The following NCALD variants were observed in gnomAD, a reference collection of about 807,000 sequenced individuals.
NCALD encodes the protein neurocalcin delta.
A neutral mutation model predicts 18.6 loss-of-function variants in NCALD; 10 were observed. The observed-to-expected ratio is 0.54, with a 90% CI of 0.33 to 0.91. The LOEUF is 0.91. Ranked by LOEUF, NCALD falls within the 40% of genes least tolerant of loss-of-function variation. The pLI, the probability that NCALD is intolerant of heterozygous loss-of-function variation, is 0.03. For missense variants in NCALD, 184 were observed against 247.6 expected, an observed-to-expected ratio of 0.74 and a Z score of 1.72; for synonymous variants, 88 against 87.4, an observed-to-expected ratio of 1.01 and a Z score of -0.04.
chr8:101,858,352 G>C (rs1295394958), intron 4 of NCALD, among the ~76,000 whole-genome samples: 1 of 152,132 alleles, frequency 6.6e-6, no homozygotes, highest in Non-Finnish European at 1.5e-5. Flanking sequence ...GGAACTAGAG[G>C]CACCAGATAC....
intron 1 of NCALD, among the ~76,000 whole-genome samples, chr8:102,081,308 G>A (rs753374067): frequency 1.3e-5 from 2 of 152,052 alleles, no homozygotes; most frequent in Non-Finnish European, 2.9e-5. Context: ...AACTGGGTCT[G>A]CTTAGAATTC....
At chr8:102,101,187 G>A (rs1033830488) in intron 1 of NCALD, among the ~76,000 whole-genome samples, 11 of 152,232 alleles carry the variant, frequency 7.2e-5, no homozygotes, top group South Asian at 2.1e-4. Context: ...CAGTGTGCAC[G>A]CGTCCTCTCT....
intron 1 of NCALD, among the ~76,000 whole-genome samples, chr8:102,082,224 CTCTTTTTTTT>C (rs1307724577): frequency 1.8e-5 from 2 of 109,406 alleles, no homozygotes; most frequent in African/African-American, 7.6e-5. Context: ...GAGAAGCTCT[CTCTTTTTTTT>C]TTTTTTTTTT....
intron 2 of NCALD, among the ~76,000 whole-genome samples, chr8:101,916,280 C>T (rs1358758281): frequency 6.6e-6 from 1 of 152,076 alleles, no homozygotes; most frequent in African/African-American, 2.4e-5. Context: ...AATTAAGCTT[C>T]ATAAAAGAAG....
At chr8:102,017,561 G>A (rs1822129397) in intron 2 of NCALD, among the ~76,000 whole-genome samples, 1 of 152,186 alleles carries the variant, frequency 6.6e-6, no homozygotes, top group South Asian at 2.1e-4. Context: ...CGGGTGTGGT[G>A]GTGGGCACCT....
chr8:102,089,991 G>C (rs1349648016), intron 1 of NCALD, among the ~76,000 whole-genome samples: 1 of 152,138 alleles, frequency 6.6e-6, no homozygotes, highest in African/African-American at 2.4e-5. Flanking sequence ...TTATCTTATG[G>C]TCAAACTGAT....
chr8:101,872,054 C>A (rs1318793839), intron 4 of NCALD: 20 of 1,378,540 alleles, frequency 1.5e-5, no homozygotes, highest in Non-Finnish European at 2.1e-6. Context: ...TAAACAAATA[C>A]CATGGGCAGA....
At chr8:101,755,057 A>C (rs1563734542) in intron 1 of NCALD, among the ~76,000 whole-genome samples, 1 of 152,190 alleles carries the variant, frequency 6.6e-6, no homozygotes, top group Non-Finnish European at 1.5e-5. Context: ...GTTAGACACC[A>C]CCTTGGATGG....
At chr8:102,088,252 G>A (rs1331857059) in intron 1 of NCALD, among the ~76,000 whole-genome samples, 1 of 152,160 alleles carries the variant, frequency 6.6e-6, no homozygotes, top group Non-Finnish European at 1.5e-5. Flanking sequence ...TCCTGGCTTA[G>A]GGAGTGAGTT....
At chr8:102,122,009 G>A (rs1825958114) in intron 1 of NCALD, among the ~76,000 whole-genome samples, 1 of 152,132 alleles carries the variant, frequency 6.6e-6, no homozygotes, top group Admixed American at 6.5e-5. Flanking sequence ...ATCTCTCAAG[G>A]CACATGCAGG....
chr8:101,883,821 G>T (rs1203688859), intron 4 of NCALD, among the ~76,000 whole-genome samples: 1 of 152,180 alleles, frequency 6.6e-6, no homozygotes, highest in East Asian at 1.9e-4. Flanking sequence ...TTATCTGCCT[G>T]TTCCACTAGA....
intron 1 of NCALD, among the ~76,000 whole-genome samples, chr8:102,067,965 G>C (rs1824061716): frequency 6.6e-6 from 1 of 152,098 alleles, no homozygotes; most frequent in Admixed American, 6.5e-5. Flanking sequence ...CTGTTCTGTT[G>C]AATTGCATTT....
intron 3 of NCALD, among the ~76,000 whole-genome samples, chr8:101,912,643 T>C (rs777501614): frequency 1.1e-4 from 17 of 152,328 alleles, no homozygotes; most frequent in South Asian, 4.1e-4. Flanking sequence ...TTGCCTTTAC[T>C]TTAGTTTGCT....
rs1207412436 is a variant in NCALD, at chr8:102,020,329, T to C, written c.-209-40A>G. 2.0e-5 allele frequency: 3 copies of C among 152,300 alleles called. No homozygotes were observed. The East Asian group carries it at 5.8e-4, about 29-fold the overall frequency. 9.4% of individuals were successfully genotyped at this position (152,300 alleles called of 1,614,324 possible). ...AGTATTGTCTTAGCTTATCAGGAAC[T>C]AGGAAGAATAATTAAAAAGTCTAAA... On this transcript the variant is annotated intron_variant, in intron 1 of 6. Coordinates refer to the NCALD transcript ENST00000311028.
chr8:102,122,614 G>A (rs1378515569), intron 1 of NCALD, among the ~76,000 whole-genome samples: 2 of 152,218 alleles, frequency 1.3e-5, no homozygotes, highest in African/African-American at 4.8e-5. Context: ...AAGGCATGAT[G>A]CTTAGTGCTT....
chr8:101,931,408 G>GTATC (rs1813767032), intron 2 of NCALD, among the ~76,000 whole-genome samples: 1 of 152,172 alleles, frequency 6.6e-6, no homozygotes, highest in African/African-American at 2.4e-5. Context: ...GATATACTGT[G>GTATC]TATCTGATGC....
Position 101,689,639 on chromosome 8 carries a change from G to A in NCALD, c.485-233C>T, listed in dbSNP as rs923977676. On this transcript the variant is annotated intron_variant, in intron 3 of 3. Coordinates refer to ENST00000220931, the MANE Select transcript of NCALD (RefSeq NM_032041.3). The surrounding 1 kb of genome is among the most constrained non-coding windows in gnomAD (Gnocchi z 4.4). ...AGGACAGTACATGTGGCAATCAAAC[G>A]CCGCTGCCTGAGAGCCCACTGTGTG... 3.3e-5 allele frequency among the ~76,000 whole-genome samples: 5 copies of A among 152,212 alleles called. No homozygotes were observed. Among genetic ancestry groups the A allele is most frequent in the Admixed American group, 1.3e-4 (2 of 15,284 alleles).
At chr8:101,891,445 T>C (rs531310922) in intron 3 of NCALD, among the ~76,000 whole-genome samples, 1 of 152,390 alleles carries the variant, frequency 6.6e-6, no homozygotes, top group South Asian at 2.1e-4. Context: ...TCAGTGGTGT[T>C]TGTTCCTTTT....
chr8:101,872,629 A>G, intron 4 of NCALD: 1 of 458,574 alleles, frequency 2.2e-6, no homozygotes, highest in Non-Finnish European at 4.0e-6. Flanking sequence ...AATTTGGCTG[A>G]CCCTTGCAGA....
Sources: gnomAD v4.1 joint callset for allele counts (sites outside exome capture counted in the v4.1 genomes callset) on GRCh38, gnomAD v4.1.1 for gene constraint, Gnocchi (gnomAD v3.1) non-coding constraint, MANE v1.5 for transcripts, NCBI Gene and HGNC (gene_info 2026-07-23, HGNC 2026-07-21) for gene names.